The following LUZP1 variants were observed in gnomAD, a reference collection of about 807,000 sequenced individuals.
LUZP1 encodes the protein filamin mechanobinding actin cross-linking protein.
Under a neutral mutation model 71.3 loss-of-function variants are expected in LUZP1, and 25 were observed. The observed-to-expected ratio is 0.35, with a 90% CI of 0.26 to 0.49. LUZP1 has a LOEUF of 0.49. LUZP1 is among the 20% of genes least tolerant of loss of function. The pLI is 0.99. For synonymous variants in LUZP1, 481 were observed against 506.4 expected (o/e 0.95, Z 0.67); for missense variants, 1,142 against 1,300.8 (o/e 0.88, Z 1.88).
chr1:23,133,188 A>C (rs1184897498), intron 2 of LUZP1, among the ~76,000 whole-genome samples: 5 of 152,250 alleles, frequency 3.3e-5, no homozygotes, highest in Non-Finnish European at 5.9e-5. Context: ...TGGGAAACTA[A>C]ACTACAAAAT....
intron 1 of LUZP1, among the ~76,000 whole-genome samples, chr1:23,177,142 C>T (rs371737162): frequency 3.3e-5 from 5 of 152,110 alleles, no homozygotes; most frequent in Non-Finnish European, 7.4e-5. Flanking sequence ...CCTCCCACCT[C>T]GGCCTCCCAA....
chr1:23,167,813 A>G (rs1420617550), intron 2 of LUZP1, among the ~76,000 whole-genome samples: 1 of 152,060 alleles, frequency 6.6e-6, no homozygotes, highest in Non-Finnish European at 1.5e-5. Context: ...CTCCGCAGCC[A>G]GAGGCCACCA....
intron 3 of LUZP1, among the ~76,000 whole-genome samples, chr1:23,105,761 CAA>C (rs1288367444): frequency 6.6e-6 from 1 of 152,088 alleles, no homozygotes; most frequent in Non-Finnish European, 1.5e-5. Context: ...TGTTCAAAAA[CAA>C]AATATAACCA....
At chr1:23,090,920 A>G in intron 4 of LUZP1, 1 of 718,214 alleles carries the variant, frequency 1.4e-6, no homozygotes, top group Middle Eastern at 2.3e-4. Context: ...AGGGAAGAGA[A>G]GACAGATTTC....
rs190087516 is a variant in LUZP1, at chr1:23,168,576, T to C, written c.-226+190A>G. 6.7e-3 allele frequency among the ~76,000 whole-genome samples: 1,000 copies of C among 149,710 alleles called. 5 individuals are homozygous for C. The highest frequency in any genetic ancestry group is 0.011 in the Non-Finnish European group (742 of 67,588). On this transcript the variant is annotated intron_variant, in intron 2 of 4. Transcript: ENST00000302291. The stretch of plus-strand genomic sequence containing the variant: ...GGTCTCGCCCCAAAAGGTCTCCTCC[T>C]GAGCCCTTCCTCCAAAATCCATTCC...
At chr1:23,121,791 C>A (rs1258274385) in intron 2 of LUZP1, among the ~76,000 whole-genome samples, 1 of 152,054 alleles carries the variant, frequency 6.6e-6, no homozygotes, top group East Asian at 1.9e-4. Flanking sequence ...GCAGGTGGAT[C>A]ACCTGAGGTC....
intron 2 of LUZP1, among the ~76,000 whole-genome samples, chr1:23,111,703 T>C (rs557347670): frequency 6.6e-6 from 1 of 152,170 alleles, no homozygotes; most frequent in East Asian, 1.9e-4. Flanking sequence ...GGTATTCAAA[T>C]AGTTTTAGGA....
exon 2 of LUZP1, chr1:23,168,787 T>G (rs1404984358): frequency 2.0e-5 from 3 of 152,708 alleles, no homozygotes; most frequent in East Asian, 3.9e-4. Context: ...CGAACCGCGC[T>G]CCCGCCAGCG....
At chr1:23,119,178 TG>T (rs1378179662) in intron 2 of LUZP1, among the ~76,000 whole-genome samples, 2 of 152,162 alleles carry the variant, frequency 1.3e-5, no homozygotes, top group Non-Finnish European at 2.9e-5. Context: ...CTTATTCTTT[TG>T]TACTGCCATT....
intron 2 of LUZP1, chr1:23,133,451 A>C (rs984248041): frequency 6.6e-6 from 1 of 152,178 alleles, no homozygotes; most frequent in Non-Finnish European, 1.5e-5. Context: ...CTACAACGGA[A>C]AGATAAAACT....
At chr1:23,090,255 C>T (rs1265660817) in intron 4 of LUZP1, among the ~76,000 whole-genome samples, 1 of 152,162 alleles carries the variant, frequency 6.6e-6, no homozygotes, top group Admixed American at 6.5e-5. Flanking sequence ...TGACCCTTAG[C>T]TTCTACATCT....
chr1:23,146,925 A>T (rs1164563202), intron 2 of LUZP1, among the ~76,000 whole-genome samples: 1 of 151,092 alleles, frequency 6.6e-6, no homozygotes, highest in African/African-American at 2.4e-5. Flanking sequence ...GTGAAACCCC[A>T]TCTCTACTAA....
chr1:23,092,016 G>A (rs1244632424), exon 4 of LUZP1: 5 of 1,613,890 alleles, frequency 3.1e-6, no homozygotes, highest in Non-Finnish European at 4.2e-6. Context: ...AGACCGCAAC[G>A]CCTCTCTGGG....
In LUZP1 at chr1:23,109,095, C is replaced by T. The variant is rs1424460377; in HGVS notation, c.-193G>A. 2 of 152,222 alleles carry T rather than the reference C, an allele frequency of 1.3e-5. No individual in the cohort carries two copies. The highest frequency in any genetic ancestry group is 2.4e-5 in the African/African-American group (1 of 41,460). The allele number at this position is 152,222 out of a possible 1,614,324, so 9.4% of individuals were successfully genotyped here. A position where few individuals can be genotyped will look rare whatever the true frequency, so the allele number is the denominator to read the frequency against. ...ATGCTTGCTGTTTTGGAAACAGTCA[C>T]TCACTCTCTTTCAAAGGCAGTTGTC... On this transcript the variant is annotated 5_prime_UTR_variant, in exon 3 of 5. The change creates a new upstream start codon in the 5' untranslated region. Transcript: ENST00000302291.
chr1:23,117,476 TCCCC>T (rs370868213), intron 2 of LUZP1, among the ~76,000 whole-genome samples: 10 of 39,674 alleles, frequency 2.5e-4, no homozygotes, highest in Admixed American at 4.3e-4. Flanking sequence ...TCTCTCTCTC[TCCCC>T]CCCCCCCCCC....
intron 2 of LUZP1, among the ~76,000 whole-genome samples, chr1:23,141,632 A>T (rs931261800): frequency 2.0e-5 from 3 of 152,184 alleles, no homozygotes; most frequent in African/African-American, 7.2e-5. Context: ...CAGGCCAAGC[A>T]GGGAGATCTC....
At chr1:23,155,274 C>T (rs1243875727) in intron 2 of LUZP1, among the ~76,000 whole-genome samples, 1 of 152,088 alleles carries the variant, frequency 6.6e-6, no homozygotes, top group Non-Finnish European at 1.5e-5. Flanking sequence ...TCTTTAAGTC[C>T]ATCAAGATCT....
chr1:23,150,222 A>G (rs1308291094), intron 2 of LUZP1, among the ~76,000 whole-genome samples: 1 of 152,106 alleles, frequency 6.6e-6, no homozygotes, highest in Non-Finnish European at 1.5e-5. Flanking sequence ...ATCAGACAAA[A>G]GCAAATAAAG....
chr1:23,136,137 C>T (rs959064963), intron 2 of LUZP1, among the ~76,000 whole-genome samples: 4 of 152,064 alleles, frequency 2.6e-5, no homozygotes, highest in African/African-American at 9.7e-5. Flanking sequence ...TTTGGTTTAG[C>T]TATAAATTCT....
Sources: gnomAD v4.1 joint callset for allele counts (sites outside exome capture counted in the v4.1 genomes callset) on GRCh38, gnomAD v4.1.1 for gene constraint, MANE v1.5 for transcripts, NCBI Gene and HGNC (gene_info 2026-07-23, HGNC 2026-07-21) for gene names.